TAFA4: variants seen among roughly 807,000 people sequenced by gnomAD.
TAFA4 encodes chemokine-like protein TAFA-4.
TAFA4 carries 20 observed loss-of-function variants against 21.1 expected under a neutral mutation model. The ratio of observed to expected loss-of-function variants is 0.95; its 90% CI spans 0.67 to 1.38. The LOEUF (loss-of-function observed/expected upper bound fraction) is 1.38. Among genes scored for constraint, TAFA4 ranks in the 40% most tolerant of loss-of-function variants. The probability of loss-of-function intolerance (pLI) is 0.00; values close to 1 mark genes in which losing one functional copy is unlikely to be tolerated. For synonymous variants in TAFA4, 71 were observed against 67.4 expected, an observed-to-expected ratio of 1.05 and a Z score of -0.26; for missense variants, 211 against 180.9, an observed-to-expected ratio of 1.17 and a Z score of -0.95.
At chr3:68,928,729 C>T (rs1325226565) in intron 1 of TAFA4, among the ~76,000 whole-genome samples, 4 of 152,122 alleles carry the variant, frequency 2.6e-5, no homozygotes, top group Admixed American at 6.5e-5. Context: ...TGTGGCCCTC[C>T]TCCGCAGAGA....
At chr3:68,882,665 T>C (rs1169937058) in intron 2 of TAFA4, among the ~76,000 whole-genome samples, 1 of 152,208 alleles carries the variant, frequency 6.6e-6, no homozygotes, top group Non-Finnish European at 1.5e-5. Context: ...AGACAGAGTG[T>C]TACATTAACA....
intron 1 of TAFA4, among the ~76,000 whole-genome samples, chr3:68,923,036 A>T (rs1036706685): frequency 1.3e-5 from 2 of 152,192 alleles, no homozygotes; most frequent in African/African-American, 4.8e-5. Flanking sequence ...CTGGCAAATA[A>T]ACTACACACA....
intron 3 of TAFA4, among the ~76,000 whole-genome samples, chr3:68,803,797 C>CTGTTTTTTTT (rs1703626423): frequency 1.2e-5 from 1 of 81,594 alleles, no homozygotes; most frequent in Non-Finnish European, 2.1e-5. Flanking sequence ...ATCTCTGATT[C>CTGTTTTTTTT]TTTTTTTTTT....
intron 1 of TAFA4, among the ~76,000 whole-genome samples, chr3:68,913,407 G>A (rs745926113): frequency 2.8e-4 from 43 of 152,226 alleles, no homozygotes; most frequent in Non-Finnish European, 4.4e-4. Context: ...GTGGCTGGGC[G>A]GAGTTGCAAA....
At chr3:68,847,853 G>A (rs1704845666) in intron 3 of TAFA4, among the ~76,000 whole-genome samples, 1 of 152,144 alleles carries the variant, frequency 6.6e-6, no homozygotes, top group Non-Finnish European at 1.5e-5. Flanking sequence ...CACCCTCGTG[G>A]ACAATCCCTG....
chr3:68,922,603 C>G (rs1040734337), intron 1 of TAFA4, among the ~76,000 whole-genome samples: 3 of 152,106 alleles, frequency 2.0e-5, no homozygotes, highest in African/African-American at 4.8e-5. Flanking sequence ...TGCTGTGGTT[C>G]AGAAATATTT....
At chr3:68,747,505 T>C (rs115357879) in intron 4 of TAFA4, among the ~76,000 whole-genome samples, 5,770 of 152,236 alleles carry the variant, frequency 0.038, 375 homozygotes, top group African/African-American at 0.13. Flanking sequence ...CATGCCTTTG[T>C]TCCTCCTTCA....
intron 3 of TAFA4, among the ~76,000 whole-genome samples, chr3:68,803,820 T>C (rs1316444417): frequency 6.9e-6 from 1 of 145,310 alleles, no homozygotes; most frequent in East Asian, 2.0e-4. Flanking sequence ...TTTTTTTTTT[T>C]GTGAGACAGA....
At chr3:68,830,518 T>C (rs1219997730) in intron 3 of TAFA4, among the ~76,000 whole-genome samples, 1 of 152,246 alleles carries the variant, frequency 6.6e-6, no homozygotes, top group Non-Finnish European at 1.5e-5. Context: ...TTTTTAATGC[T>C]GAGTTCTAAT....
chr3:68,759,618 A>C (rs1018588020), intron 3 of TAFA4, among the ~76,000 whole-genome samples: 1 of 152,208 alleles, frequency 6.6e-6, no homozygotes, highest in South Asian at 2.1e-4. Context: ...TGGTGTGGCG[A>C]TCCATCTTGA....
intron 4 of TAFA4, among the ~76,000 whole-genome samples, chr3:68,741,590 C>A (rs1363704108): frequency 6.6e-6 from 1 of 151,900 alleles, no homozygotes; most frequent in African/African-American, 2.4e-5. Context: ...GTCAGGAGAT[C>A]GAGACCATCC....
chr3:68,930,611 T>C (rs2090150367), intron 1 of TAFA4, among the ~76,000 whole-genome samples: 1 of 152,216 alleles, frequency 6.6e-6, no homozygotes, highest in African/African-American at 2.4e-5. Flanking sequence ...TGTCCGTGCA[T>C]ATGAAGAAAG....
At chr3:68,801,907 C>G (rs894257394) in intron 3 of TAFA4, among the ~76,000 whole-genome samples, 5 of 151,678 alleles carry the variant, frequency 3.3e-5, no homozygotes, top group African/African-American at 4.8e-5. Flanking sequence ...GAACTTGTCC[C>G]CTAATCATTC....
chr3:68,802,546 T>A (rs1703600089), intron 3 of TAFA4, among the ~76,000 whole-genome samples: 1 of 152,120 alleles, frequency 6.6e-6, no homozygotes, highest in Non-Finnish European at 1.5e-5. Flanking sequence ...TGCTTTGGTA[T>A]GGTGAGTATG....
chr3:68,816,172 G>C (rs1222076984), intron 3 of TAFA4, among the ~76,000 whole-genome samples: 3 of 152,114 alleles, frequency 2.0e-5, no homozygotes, highest in African/African-American at 4.8e-5. Flanking sequence ...TTGTGGAGTG[G>C]GGGGAGGGAG....
Position 68,907,232 on chromosome 3 carries a change from C to T in TAFA4, c.-122-21922G>A, listed in dbSNP as rs559274636. Among the ~76,000 whole-genome samples, 6 of 152,134 alleles carry T rather than the reference C, an allele frequency of 3.9e-5. 1 individual carries two copies. The highest frequency in any genetic ancestry group is 1.3e-4 in the Admixed American group (2 of 15,274). On this transcript the variant is annotated intron_variant, in intron 1 of 5. Coordinates refer to ENST00000295569, the MANE Select transcript of TAFA4 (RefSeq NM_182522.5). ...GATTCTCTGCTAATATCCAAAGTAG[C>T]CACAGAAATTAATGCTTGTTGTCCA... is the stretch of plus-strand genomic sequence containing the variant.
intron 1 of TAFA4, among the ~76,000 whole-genome samples, chr3:68,918,311 G>T (rs1001483180): frequency 1.3e-5 from 2 of 151,994 alleles, no homozygotes; most frequent in Non-Finnish European, 2.9e-5. Context: ...AAAAATCAGC[G>T]CACTGTCAAC....
chr3:68,869,567 C>T (rs2089459690), intron 3 of TAFA4, among the ~76,000 whole-genome samples: 1 of 152,020 alleles, frequency 6.6e-6, no homozygotes, highest in African/African-American at 2.4e-5. Flanking sequence ...ATATGCAAAT[C>T]AATAAACATG....
At chr3:68,845,159 G>C (rs1489098660) in intron 3 of TAFA4, among the ~76,000 whole-genome samples, 1 of 152,136 alleles carries the variant, frequency 6.6e-6, no homozygotes, top group Non-Finnish European at 1.5e-5. Context: ...TCTCTTTGTA[G>C]GTCTCTAAGA....
Sources: gnomAD v4.1 joint callset for allele counts (sites outside exome capture counted in the v4.1 genomes callset) on GRCh38, gnomAD v4.1.1 for gene constraint, MANE v1.5 for transcripts, NCBI Gene and HGNC (gene_info 2026-07-23, HGNC 2026-07-21) for gene names.